The following TGFBRAP1 variants were observed in gnomAD, a reference collection of about 807,000 sequenced individuals.
TGFBRAP1 encodes the protein transforming growth factor beta receptor associated protein 1, also known as transforming growth factor-beta receptor-associated protein 1.
Under a neutral mutation model 83.2 loss-of-function variants are expected in TGFBRAP1, and 20 were observed. The observed-to-expected ratio is 0.24, with a 90% CI of 0.17 to 0.35. TGFBRAP1 has a LOEUF of 0.35. Ranked by LOEUF, TGFBRAP1 falls within the 10% of genes least tolerant of loss-of-function variation. The probability of loss-of-function intolerance (pLI) is 1.00; values close to 1 mark genes in which losing one functional copy is unlikely to be tolerated. For missense variants in TGFBRAP1, 950 were observed against 1,099.4 expected (o/e 0.86, Z 1.92); for synonymous variants, 415 against 459.8 (o/e 0.90, Z 1.25).
At chr2:105,260,745 C>A (rs1676770999), downstream of TGFBRAP1, among the ~76,000 whole-genome samples, 1 of 152,134 alleles carries the variant, frequency 6.6e-6, no homozygotes, top group African/African-American at 2.4e-5. Flanking sequence ...GAATGATAAA[C>A]TTAATGTTAT....
rs1211141787 is a variant in TGFBRAP1, at chr2:105,272,762, C to A, written c.1972+93G>T. ...TCAAAGAATCACCCTGTGCAATCAA[C>A]CAGCAGCTGTGCCAAAGCCCTTCTC... On this transcript the variant is annotated intron_variant, in intron 10 of 11. Transcript: ENST00000393359. 4.6e-6 allele frequency: 7 copies of A among 1,508,516 alleles called. No individual in the cohort carries two copies. The South Asian group carries it at 7.0e-5, about 15-fold the overall frequency. 93.4% of individuals were successfully genotyped at this position (1,508,516 alleles called of 1,614,324 possible). A position where few individuals can be genotyped will look rare whatever the true frequency, so the allele number is the denominator to read the frequency against.
Position 105,269,169 on chromosome 2 carries a change from C to T in TGFBRAP1, c.2406+103G>A, listed in dbSNP as rs1304369903. On this transcript the variant is annotated intron_variant, in intron 11 of 11. Coordinates refer to ENST00000393359, the MANE Select transcript of TGFBRAP1 (RefSeq NM_004257.6). This position sits in a 1 kb window ranked among gnomAD's most constrained non-coding sequence, Gnocchi z 4.1. ...TATTGATGTGTTGTAGTCATAGAGA[C>T]AGAAAAAAGAAAAACCAACAAAGAC... The T allele has an allele frequency of 7.3e-7, 1 of 1,377,016 alleles. No individual in the cohort carries two copies. 85.3% of individuals were successfully genotyped at this position (1,377,016 alleles called of 1,614,324 possible).
downstream of TGFBRAP1, among the ~76,000 whole-genome samples, chr2:105,261,766 CAGGCA>C (rs986265493): frequency 1.3e-5 from 2 of 151,982 alleles, no homozygotes; most frequent in African/African-American, 2.4e-5. Flanking sequence ...AAGGACAGGA[CAGGCA>C]AGGCAAGGCA....
chr2:105,300,220 T>G (rs1049685610), intron 2 of TGFBRAP1, among the ~76,000 whole-genome samples: 2 of 152,118 alleles, frequency 1.3e-5, no homozygotes, highest in African/African-American at 4.8e-5. Flanking sequence ...ATGCTGAAGA[T>G]AGAATCTGTA....
At chr2:105,275,475 T>C (rs1477716318) in intron 8 of TGFBRAP1, 85 bp downstream of exon 8, 7 of 1,538,260 alleles carry the variant, frequency 4.6e-6, no homozygotes, top group Non-Finnish European at 6.1e-6. Flanking sequence ...GTAGCTTTCT[T>C]TTCCCCTCCT....
At position 105,278,134 on chromosome 2, in the gene TGFBRAP1, A is replaced by C. The variant is rs116226995; in HGVS notation, c.1464-463T>G. On this transcript the variant is annotated intron_variant, in intron 6 of 11. Transcript: ENST00000393359. Reference sequence around the variant, plus strand: ...TGTGTAGTTCAACAACAACAAACAAACAACCAAAGGATTCTCATTGCTGTA... The same window carrying C: ...TGTGTAGTTCAACAACAACAAACAACCAACCAAAGGATTCTCATTGCTGTA... Among the ~76,000 whole-genome samples the C allele has an allele frequency of 4.8e-3, 729 of 151,880 alleles. 5 individuals carry two copies. The highest frequency in any genetic ancestry group is 0.016 in the African/African-American group (657 of 41,412).
At chr2:105,316,456 T>TGC (rs1558654502) in intron 1 of TGFBRAP1, among the ~76,000 whole-genome samples, 5 of 71,706 alleles carry the variant, frequency 7.0e-5, no homozygotes, top group Non-Finnish European at 1.2e-4. Context: ...TGTGTGTGTG[T>TGC]GTGTGTGCGC....
At chr2:105,250,619 C>G in the TGFBRAP1 span, among the ~76,000 whole-genome samples, 2 of 145,422 alleles carry the variant, frequency 1.4e-5, no homozygotes, top group Non-Finnish European at 3.0e-5. Context: ...TCCCTCCTCT[C>G]CCTCTCCCTC....
At chr2:105,323,405 C>T (rs563335143) in intron 1 of TGFBRAP1, among the ~76,000 whole-genome samples, 1 of 152,310 alleles carries the variant, frequency 6.6e-6, no homozygotes, top group South Asian at 2.1e-4. Flanking sequence ...TCAGACCTTC[C>T]TATCTCCCTT....
intron 1 of TGFBRAP1, among the ~76,000 whole-genome samples, chr2:105,325,612 CTT>C (rs74581643): frequency 0.091 from 13,853 of 152,124 alleles, 783 homozygotes; most frequent in Non-Finnish European, 0.13. Context: ...CCTGAGGAGT[CTT>C]TGCTATTGCT....
At chr2:105,329,574 G>GCCCCGCGCCCTGAGCCCCGCA (rs1006168799) in intron 1 of TGFBRAP1, 51 bp downstream of exon 1, 6 of 133,356 alleles carry the variant, frequency 4.5e-5, no homozygotes, top group Non-Finnish European at 9.8e-5. Flanking sequence ...TGCCCCACGC[G>GCCCCGCGCCCTGAGCCCCGCA]CCCCGCGCCC....
rs144035458 is a variant in TGFBRAP1 at position 105,274,592 on chromosome 2, T to C, written c.1666-902A>G. Among the ~76,000 whole-genome samples the C allele has an allele frequency of 4.6e-5, 7 of 152,288 alleles. No homozygotes were observed. The East Asian group carries it at 1.4e-3, about 29-fold the overall frequency. On this transcript the variant is annotated intron_variant, in intron 8 of 11. Coordinates refer to ENST00000393359, the MANE Select transcript of TGFBRAP1 (RefSeq NM_004257.6). ...ATCTGCTGTTATCATCCATAAGCAT[T>C]GGGAGAAGCCTAAACCTTGCAACGG...
At chr2:105,328,829 C>T (rs1249538065) in intron 1 of TGFBRAP1, among the ~76,000 whole-genome samples, 1 of 152,218 alleles carries the variant, frequency 6.6e-6, no homozygotes, top group Non-Finnish European at 1.5e-5. Context: ...AGGTAGGAGG[C>T]TTCCTGAGGG....
At chr2:105,302,574 A>G (rs1678336991) in intron 2 of TGFBRAP1, among the ~76,000 whole-genome samples, 1 of 152,190 alleles carries the variant, frequency 6.6e-6, no homozygotes. Context: ...GTACTCTACC[A>G]TTTAGCCAAG....
the TGFBRAP1 span, among the ~76,000 whole-genome samples, chr2:105,251,805 ATTC>A: frequency 6.6e-6 from 1 of 150,384 alleles, no homozygotes; most frequent in Admixed American, 6.7e-5. Flanking sequence ...ACTAAGAAAA[ATTC>A]TTCTGCCTTG....
At chr2:105,252,821 C>A in the TGFBRAP1 span, among the ~76,000 whole-genome samples, 3 of 140,986 alleles carry the variant, frequency 2.1e-5, no homozygotes, top group African/African-American at 8.1e-5. Context: ...GGCGTGATCT[C>A]GGCTCACTGC....
rs867373527 is a variant in TGFBRAP1, at chr2:105,264,483, G to A, written c.*2900C>T. ...AGAACTAAAAGAATTTTAATAAAAT[G>A]AGCAAGTTTACATTTGTACATTTTG... On this transcript the variant is annotated 3_prime_UTR_variant, in exon 12 of 12. Coordinates refer to ENST00000393359, the MANE Select transcript of TGFBRAP1 (RefSeq NM_004257.6). 2 of 152,202 alleles carry A rather than the reference G, an allele frequency of 1.3e-5. No homozygotes were observed. Among genetic ancestry groups the A allele is most frequent in the Admixed American group, 6.5e-5 (1 of 15,274 alleles). 9.4% of individuals were successfully genotyped at this position (152,202 alleles called of 1,614,324 possible).
chr2:105,271,409 G>C (rs1677149731), intron 10 of TGFBRAP1, among the ~76,000 whole-genome samples: 1 of 152,208 alleles, frequency 6.6e-6, no homozygotes, highest in Non-Finnish European at 1.5e-5. Flanking sequence ...GGACACCCTG[G>C]CACTGATCAG....
intron 1 of TGFBRAP1, among the ~76,000 whole-genome samples, chr2:105,320,267 C>T (rs777030527): frequency 5.3e-5 from 8 of 152,176 alleles, no homozygotes; most frequent in African/African-American, 9.7e-5. Flanking sequence ...GGGGAGGAAC[C>T]GCAAAAACTC....
Sources: allele counts gnomAD v4.1 joint callset (sites outside exome capture counted in the v4.1 genomes callset), GRCh38; gene constraint gnomAD v4.1.1; non-coding constraint Gnocchi (gnomAD v3.1); transcripts MANE v1.5; gene names NCBI Gene and HGNC (gene_info 2026-07-23, HGNC 2026-07-21).